Variants in ROBO1 observed in about 807,000 individuals in gnomAD.
ROBO1 encodes the protein roundabout homolog 1.
ROBO1 carries 149 observed loss-of-function variants against 195.9 expected under a neutral mutation model. That is an observed-to-expected ratio of 0.76 (90% confidence interval 0.67 to 0.87). The LOEUF (loss-of-function observed/expected upper bound fraction) is 0.87, where lower values mean the gene tolerates loss of function less well. ROBO1 is among the 40% of genes least tolerant of loss of function. The probability of loss-of-function intolerance (pLI) is 0.00; values close to 1 mark genes in which losing one functional copy is unlikely to be tolerated. For missense variants in ROBO1, 1,933 were observed against 2,068.3 expected (o/e 0.93, Z 1.27); for synonymous variants, 816 against 733.2 (o/e 1.11, Z -1.82).
intron 2 of ROBO1, among the ~76,000 whole-genome samples, chr3:79,587,762 C>A (rs944580755): frequency 2.0e-5 from 3 of 151,648 alleles, no homozygotes; most frequent in Non-Finnish European, 4.4e-5. Context: ...AGAATCAAGA[C>A]TTCTCATCAT....
chr3:79,407,024 T>C (rs2037576119), intron 2 of ROBO1, among the ~76,000 whole-genome samples: 1 of 152,136 alleles, frequency 6.6e-6, no homozygotes, highest in Non-Finnish European at 1.5e-5. Flanking sequence ...ATTCAAACGA[T>C]TCTTCTGCCT....
At chr3:79,019,575 G>A (rs1462216378) in intron 3 of ROBO1, 2 of 984,854 alleles carry the variant, frequency 2.0e-6, no homozygotes, top group Non-Finnish European at 2.4e-6. Flanking sequence ...TATTCTCCAG[G>A]CGCTGGTCAG....
At chr3:79,575,886 C>T (rs1458609507) in intron 2 of ROBO1, among the ~76,000 whole-genome samples, 1 of 151,828 alleles carries the variant, frequency 6.6e-6, no homozygotes, top group East Asian at 1.9e-4. Context: ...CTTGTTTGCC[C>T]TGAAGCATCA....
intron 5 of ROBO1, among the ~76,000 whole-genome samples, chr3:78,732,181 C>T (rs2082300778): frequency 6.6e-6 from 1 of 152,010 alleles, no homozygotes; most frequent in Admixed American, 6.6e-5. Flanking sequence ...AGATAGAGAA[C>T]AACAGCTTAT....
At chr3:78,800,701 C>T (rs143239046) in intron 4 of ROBO1, among the ~76,000 whole-genome samples, 4,681 of 152,040 alleles carry the variant, frequency 0.031, 114 homozygotes, top group African/African-American at 0.071. Flanking sequence ...GGACTACAGG[C>T]GCCCACCACC....
At position 79,176,079 on chromosome 3, in the gene ROBO1, G is replaced by T. The variant is rs564534271; in HGVS notation, c.89-50540C>A. On this transcript the variant is annotated intron_variant, in intron 2 of 30. Coordinates refer to ENST00000464233, the MANE Select transcript of ROBO1 (RefSeq NM_002941.4). Reference sequence around the variant, plus strand: ...TATATCTAAAGAACAGTGAAAAAAGGGAACTGAGCCAGATCCCTAAGCCCA... The same window carrying T: ...TATATCTAAAGAACAGTGAAAAAAGTGAACTGAGCCAGATCCCTAAGCCCA... Among the ~76,000 whole-genome samples, 11 of 152,218 alleles carry T rather than the reference G, an allele frequency of 7.2e-5. No individual in the cohort carries two copies. In the South Asian group the frequency reaches 1.2e-3, roughly 17 times the overall value.
intron 2 of ROBO1, among the ~76,000 whole-genome samples, chr3:79,461,182 T>C (rs921626384): frequency 1.3e-5 from 2 of 152,050 alleles, no homozygotes; most frequent in Admixed American, 6.6e-5. Flanking sequence ...TATCGAATCA[T>C]AATTTGGTGG....
intron 1 of ROBO1, among the ~76,000 whole-genome samples, chr3:79,706,909 A>G (rs1284198724): frequency 6.6e-6 from 1 of 152,104 alleles, no homozygotes; most frequent in Non-Finnish European, 1.5e-5. Flanking sequence ...CAATTTGCTA[A>G]TATTTTGGTG....
intron 2 of ROBO1, among the ~76,000 whole-genome samples, chr3:79,214,828 T>TA (rs1316521600): frequency 0.014 from 1,621 of 114,856 alleles, 34 homozygotes; most frequent in African/African-American, 0.059. Flanking sequence ...ATATATATAT[T>TA]TTTTTTTTTT....
intron 1 of ROBO1, among the ~76,000 whole-genome samples, chr3:79,702,270 A>T (rs1371799625): frequency 5.9e-5 from 9 of 151,924 alleles, no homozygotes; most frequent in Non-Finnish European, 1.2e-4. Context: ...TAAAATTTTA[A>T]GCAATGACAA....
At chr3:79,151,211 T>C (rs146967468) in intron 2 of ROBO1, among the ~76,000 whole-genome samples, 7,831 of 151,914 alleles carry the variant, frequency 0.052, 271 homozygotes, top group African/African-American at 0.085. Flanking sequence ...ACCTCTTTCC[T>C]TTGTAAATTA....
At chr3:78,613,785 A>G (rs150272736) in intron 28 of ROBO1, among the ~76,000 whole-genome samples, 7 of 152,302 alleles carry the variant, frequency 4.6e-5, no homozygotes, top group Non-Finnish European at 8.8e-5. Flanking sequence ...AGGCTTTCAT[A>G]TGATAATGGC....
chr3:79,314,484 G>T (rs564361047), intron 2 of ROBO1, among the ~76,000 whole-genome samples: 4 of 152,158 alleles, frequency 2.6e-5, no homozygotes, highest in Non-Finnish European at 4.4e-5. Context: ...TGTGAAGAAG[G>T]ACATGTTTGC....
intron 3 of ROBO1, chr3:79,018,279 G>T: frequency 9.6e-7 from 1 of 1,042,278 alleles, no homozygotes; most frequent in Non-Finnish European, 1.4e-6. Context: ...TAAAAGTCTA[G>T]CAGGAATCGA....
At chr3:78,606,637 A>G in intron 29 of ROBO1, 96 bp downstream of exon 29, 1 of 1,282,078 alleles carries the variant, frequency 7.8e-7, no homozygotes, top group Non-Finnish European at 1.1e-6. Flanking sequence ...CAAACTTCTT[A>G]ATCTTACCAC....
chr3:78,913,323 GC>G (rs919261860), intron 4 of ROBO1, among the ~76,000 whole-genome samples: 1 of 152,000 alleles, frequency 6.6e-6, no homozygotes, highest in African/African-American at 2.4e-5. Flanking sequence ...CAAAATTGTG[GC>G]CCTTTTATAT....
At position 79,496,508 on chromosome 3, in the gene ROBO1, C is replaced by G. The variant is rs1264247618; in HGVS notation, c.88+93316G>C. On this transcript the variant is annotated intron_variant, in intron 2 of 30. Coordinates refer to ENST00000464233, the MANE Select transcript of ROBO1 (RefSeq NM_002941.4). Reference sequence around the variant, plus strand: ...ACGCCATTCTCCTGCCTCAGCCTCCCGAGTAGCTGGGACTACAGGCGCCCG... The same window carrying G: ...ACGCCATTCTCCTGCCTCAGCCTCCGGAGTAGCTGGGACTACAGGCGCCCG... 3.4e-5 allele frequency among the ~76,000 whole-genome samples: 5 copies of G among 146,848 alleles called. No homozygotes were observed. In the East Asian group the frequency reaches 1.0e-3, roughly 30 times the overall value.
chr3:79,762,609 A>C (rs367808578), intron 1 of ROBO1, among the ~76,000 whole-genome samples: 1 of 146,612 alleles, frequency 6.8e-6, no homozygotes, highest in Non-Finnish European at 1.5e-5. Flanking sequence ...ATTCTGGACA[A>C]ACACACACAC....
chr3:79,721,286 T>C (rs939036949), intron 1 of ROBO1, among the ~76,000 whole-genome samples: 2 of 152,208 alleles, frequency 1.3e-5, no homozygotes, highest in African/African-American at 4.8e-5. Context: ...TAAACATTTC[T>C]TTTTAAATAG....
Sources: allele counts gnomAD v4.1 joint callset (sites outside exome capture counted in the v4.1 genomes callset), GRCh38; gene constraint gnomAD v4.1.1; transcripts MANE v1.5; gene names NCBI Gene and HGNC (gene_info 2026-07-23, HGNC 2026-07-21).